The following CUL9 variants were observed in gnomAD, a reference collection of about 807,000 sequenced individuals.
The protein encoded by CUL9 is cullin 9.
A neutral mutation model predicts 272.6 loss-of-function variants in CUL9; 79 were observed. That is an observed-to-expected ratio of 0.29 (90% CI 0.24 to 0.35). The LOEUF (loss-of-function observed/expected upper bound fraction) is 0.35, where lower values mean the gene tolerates loss of function less well. Ranked by LOEUF, CUL9 falls within the 10% of genes least tolerant of loss-of-function variation. The pLI is 1.00. For synonymous variants in CUL9, 1,186 were observed against 1,286.5 expected (o/e 0.92, Z 1.67); for missense variants, 2,532 against 3,255.6 (o/e 0.78, Z 5.41).
At chr6:43,191,252 T>TTGTGTG (rs58122260) in intron 8 of CUL9, among the ~76,000 whole-genome samples, 2,543 of 126,954 alleles carry the variant, frequency 0.02, 41 homozygotes, top group East Asian at 0.035. Context: ...CTAAATTGCA[T>TTGTGTG]TGTGTGTGTG....
At chr6:43,198,562 G>T in intron 11 of CUL9, 47 bp from the exon 12 acceptor site, 1 of 1,604,178 alleles carries the variant, frequency 6.2e-7, no homozygotes, top group Non-Finnish European at 8.5e-7. Flanking sequence ...TGACAAACTG[G>T]TAAGACTCTT....
chr6:43,193,228 C>T lies in CUL9; in HGVS notation c.2388+20C>T, dbSNP rs375107568. On this transcript the variant is annotated intron_variant, in intron 9 of 40. Transcript: ENST00000252050. ...CTGGCGGTGAGTACATTGGGCCTGGCGGGAGAGAACAATGGGCAAGACAGG... is the reference window on the plus strand; with the variant it reads ...CTGGCGGTGAGTACATTGGGCCTGGTGGGAGAGAACAATGGGCAAGACAGG... 4.6e-5 allele frequency: 74 copies of T among 1,608,816 alleles called. No homozygotes were observed. Among genetic ancestry groups the T allele is most frequent in the Middle Eastern group, 1.7e-4 (1 of 5,948 alleles).
chr6:43,204,248 C>T (rs914908438), intron 20 of CUL9, 112 bp from the exon 21 acceptor site: 23 of 1,317,454 alleles, frequency 1.7e-5, no homozygotes, highest in Non-Finnish European at 2.4e-5. Flanking sequence ...AGGACTAGGG[C>T]CCCACTACCC....
chr6:43,191,297 T>TGTGCG lies in CUL9; in HGVS notation c.2181-1704_2181-1703insGTGCG, dbSNP rs60776527. On this transcript the variant is annotated intron_variant, in intron 8 of 40. Transcript: ENST00000252050. ...GTGTGTGTGTGTGTGTGTGTGCGTG[T>TGTGCG]TGTTTTTTTTTTTGTTTGTTTTTTT... is the stretch of plus-strand genomic sequence containing the variant. 2.1e-3 allele frequency among the ~76,000 whole-genome samples: 293 copies of TGTGCG among 136,904 alleles called. 1 individual carries two copies. The highest frequency in any genetic ancestry group is 8.1e-3 in the African/African-American group (275 of 33,948). 89.8% of individuals were successfully genotyped at this position (136,904 alleles called of 152,430 possible).
intron 5 of CUL9, 31 bp from the exon 6 acceptor site, chr6:43,187,215 G>C: frequency 1.2e-6 from 2 of 1,610,774 alleles, no homozygotes; most frequent in Non-Finnish European, 1.7e-6. Flanking sequence ...TTCCTGAGGG[G>C]TGCTGATGCC....
At chr6:43,201,081 T>C (rs550909612) in intron 16 of CUL9, among the ~76,000 whole-genome samples, 1 of 152,344 alleles carries the variant, frequency 6.6e-6, no homozygotes, top group Admixed American at 6.5e-5. Flanking sequence ...TTGAGGGAGA[T>C]AAACAGCTCA....
chr6:43,222,270 T>C, intron 35 of CUL9, 46 bp from the exon 36 acceptor site: 2 of 1,523,644 alleles, frequency 1.3e-6, no homozygotes, highest in African/African-American at 1.4e-5. Context: ...AACTCCCTCC[T>C]GTCCAAACAA....
chr6:43,202,872 C>G (rs764727884), intron 17 of CUL9, 51 bp downstream of exon 17: 49 of 1,549,134 alleles, frequency 3.2e-5, no homozygotes, highest in Non-Finnish European at 4.4e-5. Flanking sequence ...TTCTTTTTGT[C>G]CCAGTGCCTG....
intron 7 of CUL9, 87 bp downstream of exon 7, chr6:43,188,205 C>T (rs774309582): frequency 1.3e-6 from 2 of 1,493,848 alleles, no homozygotes; most frequent in Non-Finnish European, 9.0e-7. Context: ...GAAGGAAAGC[C>T]ATGGAGGAAG....
In CUL9 at chr6:43,221,879, A is replaced by G. The variant is rs1329435179; in HGVS notation, c.6846+101A>G. 3.0e-6 allele frequency: 3 copies of G among 998,800 alleles called. No homozygotes were observed. Among genetic ancestry groups the G allele is most frequent in the Non-Finnish European group, 4.5e-6 (3 of 673,532 alleles). 61.9% of individuals were successfully genotyped at this position (998,800 alleles called of 1,614,324 possible). ...GACAGGGCTCCTTGTGCAGTGCAGCATTCTAGCTGTTGGGATAGAGGCTCA... is the reference window on the plus strand; with the variant it reads ...GACAGGGCTCCTTGTGCAGTGCAGCGTTCTAGCTGTTGGGATAGAGGCTCA... On this transcript the variant is annotated intron_variant, in intron 35 of 40. Transcript: ENST00000252050. This position sits in a 1 kb window ranked among gnomAD's most constrained non-coding sequence, Gnocchi z 4.2.
chr6:43,206,315 C>T lies in CUL9; in HGVS notation c.5023-6C>T, dbSNP rs755325606. The T allele has an allele frequency of 3.1e-6, 5 of 1,613,694 alleles. No individual in the cohort carries two copies. In the Admixed American group the frequency reaches 8.3e-5, roughly 27 times the overall value. The stretch of plus-strand genomic sequence containing the variant: ...CAAGGGCCCTTGAAATCCTTCTGTC[C>T]CTCAGGAGGAAGAGGAGGAAGAGGA... On this transcript the variant is annotated splice_region_variant and splice_polypyrimidine_tract_variant and intron_variant, in intron 25 of 40. Transcript: ENST00000252050. The surrounding 1 kb of genome is among the most constrained non-coding windows in gnomAD (Gnocchi z 4.8).
rs1776348632 is a variant in CUL9 at position 43,221,351 on chromosome 6, A to G, written c.6752+30A>G. 2 of 1,319,350 alleles carry G rather than the reference A, an allele frequency of 1.5e-6. No individual in the cohort carries two copies. The highest frequency in any genetic ancestry group is 2.0e-6 in the Non-Finnish European group (2 of 982,668). The allele number at this position is 1,319,350 out of a possible 1,614,324, so 81.7% of individuals were successfully genotyped here. ...GAAGGGGGGTACTGTGGGGAGCCAG[A>G]GGGCAAGGAGGGGGGAGGAGGCCTG... On this transcript the variant is annotated intron_variant, in intron 34 of 40. Transcript: ENST00000252050. This position sits in a 1 kb window ranked among gnomAD's most constrained non-coding sequence, Gnocchi z 4.2.
intron 17 of CUL9, 126 bp from the exon 18 acceptor site, chr6:43,202,982 TC>T: frequency 6.6e-6 from 8 of 1,215,396 alleles, no homozygotes; most frequent in Non-Finnish European, 8.4e-6. Flanking sequence ...CAGAGCCACG[TC>T]CATCCCTAGG....
chr6:43,187,587 A>G (rs916179942), intron 6 of CUL9, 126 bp from the exon 7 acceptor site: 1 of 1,326,826 alleles, frequency 7.5e-7, no homozygotes, highest in African/African-American at 1.5e-5. Context: ...GTTGGAGGCA[A>G]GTGCTGTGAG....
chr6:43,204,189 C>A (rs1774864071), intron 20 of CUL9, 171 bp from the exon 21 acceptor site: 1 of 1,039,722 alleles, frequency 9.6e-7, no homozygotes, highest in Non-Finnish European at 1.4e-6. Flanking sequence ...CCATCCCCAC[C>A]CTGTTAACAT....
At chr6:43,198,196 A>G (rs1774185532) in intron 11 of CUL9, 1 of 915,024 alleles carries the variant, frequency 1.1e-6, no homozygotes, top group African/African-American at 1.8e-5. Flanking sequence ...AGCCAAGATC[A>G]TGCCACTGCA....
At chr6:43,195,978 C>T in intron 9 of CUL9, 91 bp from the exon 10 acceptor site, 1 of 1,075,082 alleles carries the variant, frequency 9.3e-7, no homozygotes, top group Admixed American at 2.1e-5. Flanking sequence ...AACAGCTCAG[C>T]TGCCCCAAAG....
chr6:43,223,570 G>T lies in CUL9; in HGVS notation c.7284+173G>T. The T allele has an allele frequency of 2.5e-6, 2 of 785,816 alleles. No individual in the cohort carries two copies. Among genetic ancestry groups the T allele is most frequent in the Non-Finnish European group, 4.0e-6 (2 of 504,766 alleles). 48.7% of individuals were successfully genotyped at this position (785,816 alleles called of 1,614,324 possible). A position where few individuals can be genotyped will look rare whatever the true frequency, so the allele number is the denominator to read the frequency against. On this transcript the variant is annotated intron_variant, in intron 39 of 40. Coordinates refer to ENST00000252050, the MANE Select transcript of CUL9 (RefSeq NM_015089.4). This position sits in a 1 kb window ranked among gnomAD's most constrained non-coding sequence, Gnocchi z 4.1. ...CTTTTGGGCCAACCTGCCTGATGCTGCTGGACCCTATCACTTCACCTCCTG... is the reference window on the plus strand; with the variant it reads ...CTTTTGGGCCAACCTGCCTGATGCTTCTGGACCCTATCACTTCACCTCCTG...
rs545415719 is a variant in CUL9, at chr6:43,205,558, C to T, written c.4793+135C>T. 82 of 1,003,642 alleles carry T rather than the reference C, an allele frequency of 8.2e-5. No individual in the cohort carries two copies. The African/African-American group carries it at 9.0e-4, about 11-fold the overall frequency. The allele number at this position is 1,003,642 out of a possible 1,614,324, so 62.2% of individuals were successfully genotyped here. On this transcript the variant is annotated intron_variant, in intron 24 of 40. Transcript: ENST00000252050. Reference sequence around the variant, plus strand: ...AGATGTGGAGATGGCTGGCCAGGCGCGGTGGCTCACGCATGTAATCCCAGC... The same window carrying T: ...AGATGTGGAGATGGCTGGCCAGGCGTGGTGGCTCACGCATGTAATCCCAGC...
Sources: gnomAD v4.1 joint callset for allele counts (sites outside exome capture counted in the v4.1 genomes callset) on GRCh38, gnomAD v4.1.1 for gene constraint, Gnocchi (gnomAD v3.1) non-coding constraint, MANE v1.5 for transcripts, NCBI Gene and HGNC (gene_info 2026-07-23, HGNC 2026-07-21) for gene names.